The following CDK13 variants were observed in gnomAD, a reference collection of about 807,000 sequenced individuals.
The protein encoded by CDK13 is cyclin dependent kinase 13, also known as cyclin-dependent kinase 13.
CDK13 carries 40 observed loss-of-function variants against 137.6 expected under a neutral mutation model. The ratio of observed to expected loss-of-function variants is 0.29; its 90% CI spans 0.23 to 0.38. The LOEUF (loss-of-function observed/expected upper bound fraction) is 0.38. Ranked by LOEUF, CDK13 falls within the 10% of genes least tolerant of loss-of-function variation. The probability of loss-of-function intolerance (pLI) is 1.00; values close to 1 mark genes in which losing one functional copy is unlikely to be tolerated. For synonymous variants in CDK13, 869 were observed against 760.1 expected (o/e 1.14, Z -2.36); for missense variants, 1,704 against 1,951.8 (o/e 0.87, Z 2.39).
At chr7:39,952,011 G>A (rs1562693558) in intron 1 of CDK13, 159 bp downstream of exon 1, 29 of 701,796 alleles carry the variant, frequency 4.1e-5, no homozygotes, top group Middle Eastern at 7.2e-4. Context: ...GTTTTCGCGC[G>A]CGTGACACTT....
intron 5 of CDK13, among the ~76,000 whole-genome samples, chr7:40,010,640 C>G (rs537208527): frequency 6.6e-6 from 1 of 152,180 alleles, no homozygotes; most frequent in African/African-American, 2.4e-5. Flanking sequence ...TGAAATCATG[C>G]GTCTGTACTC....
chr7:40,045,723 C>G (rs1785722544), intron 5 of CDK13, 113 bp from the exon 6 acceptor site: 1 of 657,004 alleles, frequency 1.5e-6, no homozygotes, highest in South Asian at 2.0e-5. Context: ...CAAAGTAACA[C>G]TTCTTTTCAA....
At chr7:39,988,363 A>G (rs1784386719) in intron 2 of CDK13, 105 bp downstream of exon 2, 2 of 745,504 alleles carry the variant, frequency 2.7e-6, no homozygotes, top group African/African-American at 1.8e-5. Context: ...ACTTTAGTGA[A>G]AAAGACTACA....
In CDK13 at chr7:39,997,079, G is replaced by A. The variant is rs17537838; in HGVS notation, c.1872-415G>A. On this transcript the variant is annotated intron_variant, in intron 2 of 13. Coordinates refer to ENST00000181839, the MANE Select transcript of CDK13 (RefSeq NM_003718.5). ...ACAGTTTTATAGTTAATTCTGTATC[G>A]TTTTAAAAAATAAACTTTATTTTTA... is the stretch of plus-strand genomic sequence containing the variant. Among the ~76,000 whole-genome samples the A allele has an allele frequency of 4.1e-3, 603 of 148,796 alleles. 8 individuals carry two copies. Among genetic ancestry groups the A allele is most frequent in the African/African-American group, 0.014 (566 of 40,184 alleles).
At chr7:40,043,228 CTATTT>C (rs1473201589) in intron 5 of CDK13, among the ~76,000 whole-genome samples, 1 of 152,162 alleles carries the variant, frequency 6.6e-6, no homozygotes, top group Non-Finnish European at 1.5e-5. Flanking sequence ...TGTCAAAACA[CTATTT>C]TATCTATTCT....
intron 2 of CDK13, among the ~76,000 whole-genome samples, chr7:39,997,051 T>C (rs987922502): frequency 8.6e-5 from 13 of 151,862 alleles, no homozygotes; most frequent in African/African-American, 3.1e-4. Flanking sequence ...TCAATTTTAA[T>C]GTACAGTTTT....
intron 1 of CDK13, among the ~76,000 whole-genome samples, chr7:39,977,214 A>G (rs1042940483): frequency 1.3e-5 from 2 of 152,236 alleles, no homozygotes; most frequent in African/African-American, 4.8e-5. Context: ...ATATAAAGGC[A>G]TGGAAGTATT....
intron 5 of CDK13, among the ~76,000 whole-genome samples, chr7:40,025,763 C>T (rs1408607875): frequency 1.3e-5 from 2 of 152,088 alleles, no homozygotes; most frequent in African/African-American, 4.8e-5. Context: ...TCATCTAAAC[C>T]AATGTGCCAT....
At chr7:40,021,153 A>ACACACACACACACACAC (rs781461656) in intron 5 of CDK13, among the ~76,000 whole-genome samples, 2 of 151,262 alleles carry the variant, frequency 1.3e-5, no homozygotes, top group Non-Finnish European at 1.5e-5. Flanking sequence ...ACACACACAT[A>ACACACACACACACACAC]AAGTTTTAAG....
chr7:40,031,497 G>T (rs2150505185), intron 5 of CDK13, among the ~76,000 whole-genome samples: 1 of 152,156 alleles, frequency 6.6e-6, no homozygotes. Context: ...ACTCCATCCT[G>T]GGCAACAGAG....
chr7:40,036,168 TAAA>T (rs1369596835), intron 5 of CDK13, among the ~76,000 whole-genome samples: 102 of 58,474 alleles, frequency 1.7e-3, no homozygotes, highest in Middle Eastern at 0.01. Flanking sequence ...AATAAATAAA[TAAA>T]TTACACACAC....
rs963129223 is a variant in CDK13 at position 40,071,262 on chromosome 7, C to A, written c.2781-6743C>A. 6 of 151,900 alleles carry A rather than the reference C, an allele frequency of 3.9e-5. No individual in the cohort carries two copies. In the South Asian group the frequency reaches 1.0e-3, roughly 26 times the overall value. 9.4% of individuals were successfully genotyped at this position (151,900 alleles called of 1,614,324 possible). A position where few individuals can be genotyped will look rare whatever the true frequency, so the allele number is the denominator to read the frequency against. On this transcript the variant is annotated intron_variant, in intron 9 of 13. Coordinates refer to ENST00000181839, the MANE Select transcript of CDK13 (RefSeq NM_003718.5). ...AGTTTTTGTATCTACTGAGATTTAC[C>A]GTATTAGAAATTAAAGATATTTATG...
intron 9 of CDK13, among the ~76,000 whole-genome samples, chr7:40,074,251 G>T (rs1786489693): frequency 6.6e-6 from 1 of 151,926 alleles, no homozygotes; most frequent in Non-Finnish European, 1.5e-5. Flanking sequence ...GGCCAGGTGC[G>T]GTGGCTCACG....
chr7:40,014,502 A>C (rs1583989854), intron 5 of CDK13, among the ~76,000 whole-genome samples: 2 of 131,184 alleles, frequency 1.5e-5, no homozygotes. Flanking sequence ...CCCAGGCTGG[A>C]GTACAGTGGC....
At chr7:40,016,480 C>A (rs1225856903) in intron 5 of CDK13, among the ~76,000 whole-genome samples, 1 of 152,090 alleles carries the variant, frequency 6.6e-6, no homozygotes, top group Non-Finnish European at 1.5e-5. Flanking sequence ...AGTAGTTGAT[C>A]CATCATACAG....
At chr7:40,010,579 G>A (rs1421297599) in intron 5 of CDK13, among the ~76,000 whole-genome samples, 1 of 152,232 alleles carries the variant, frequency 6.6e-6, no homozygotes. Flanking sequence ...AGCTACTTGG[G>A]ATGCATAGGC....
chr7:40,090,833 C>CT (rs1040609223), intron 12 of CDK13, among the ~76,000 whole-genome samples: 159 of 152,320 alleles, frequency 1.0e-3, no homozygotes, highest in African/African-American at 3.5e-3. Flanking sequence ...GATTGTGCCA[C>CT]TGGCACTGTG....
At chr7:39,986,532 T>C (rs1784340754) in intron 1 of CDK13, 1 of 152,234 alleles carries the variant, frequency 6.6e-6, no homozygotes, top group Non-Finnish European at 1.5e-5. Context: ...GAATTATTTT[T>C]ACTTTGCCTC....
chr7:39,963,532 G>A (rs1783799182), intron 1 of CDK13, among the ~76,000 whole-genome samples: 1 of 152,182 alleles, frequency 6.6e-6, no homozygotes. Flanking sequence ...GGGCTGAGAT[G>A]TTGGGGTTTT....
Sources: gnomAD v4.1 joint callset for allele counts (sites outside exome capture counted in the v4.1 genomes callset) on GRCh38, gnomAD v4.1.1 for gene constraint, MANE v1.5 for transcripts, NCBI Gene and HGNC (gene_info 2026-07-23, HGNC 2026-07-21) for gene names.